SLC5A11: variants seen among roughly 807,000 people sequenced by gnomAD.
SLC5A11 encodes solute carrier family 5 member 11.
Under a neutral mutation model 69.8 loss-of-function variants are expected in SLC5A11, and 48 were observed. The observed-to-expected ratio is 0.69, with a 90% CI of 0.55 to 0.87. The LOEUF is 0.87. Among genes scored for constraint, SLC5A11 ranks in the 40% least tolerant of loss-of-function variants. The pLI is 0.00. For missense variants in SLC5A11, 784 were observed against 866.1 expected (o/e 0.91, Z 1.19); for synonymous variants, 319 against 342.4 (o/e 0.93, Z 0.75).
intron 10 of SLC5A11, 68 bp downstream of exon 11, chr16:24,898,177 A>G: frequency 1.9e-6 from 3 of 1,545,190 alleles, no homozygotes; most frequent in African/African-American, 1.4e-5. Flanking sequence ...TATTCTAAAC[A>G]TATTATTAGA....
intron 13 of SLC5A11, among the ~76,000 whole-genome samples, chr16:24,908,604 A>AC (rs1463584756): frequency 6.6e-6 from 1 of 151,700 alleles, no homozygotes; most frequent in Non-Finnish European, 1.5e-5. Flanking sequence ...TCAAAAAAAA[A>AC]AAAAAAAAAA....
intron 8 of SLC5A11, among the ~76,000 whole-genome samples, chr16:24,888,241 C>G (rs1006804177): frequency 2.0e-5 from 3 of 151,984 alleles, no homozygotes; most frequent in Non-Finnish European, 4.4e-5. Flanking sequence ...TTTAAAAAAT[C>G]TAGTTACTTA....
intron 3 of SLC5A11, among the ~76,000 whole-genome samples, chr16:24,866,848 A>C (rs2046950763): frequency 6.6e-6 from 1 of 152,166 alleles, no homozygotes; most frequent in Non-Finnish European, 1.5e-5. Context: ...TTATAAACAT[A>C]ATTGCACCTA....
intron 1 of SLC5A11, among the ~76,000 whole-genome samples, chr16:24,848,602 C>A (rs568598750): frequency 6.6e-6 from 1 of 152,064 alleles, no homozygotes; most frequent in African/African-American, 2.4e-5. Context: ...AGAGTGAAAC[C>A]CTGTCTCAAA....
intron 7 of SLC5A11, among the ~76,000 whole-genome samples, chr16:24,882,914 G>A (rs182216594): frequency 5.3e-5 from 8 of 152,278 alleles, no homozygotes; most frequent in Middle Eastern, 6.8e-3. Context: ...CCAAAGTGCT[G>A]GGATTACAGG....
chr16:24,875,815 G>A (rs192456479), intron 6 of SLC5A11, 84 bp downstream of exon 7: 94 of 1,089,460 alleles, frequency 8.6e-5, no homozygotes, highest in East Asian at 6.3e-4. Context: ...GTGTCTCCTC[G>A]CTATCCCCTT....
At chr16:24,870,470 C>CA (rs1288567377) in intron 4 of SLC5A11, among the ~76,000 whole-genome samples, 1 of 148,472 alleles carries the variant, frequency 6.7e-6, no homozygotes, top group Non-Finnish European at 1.5e-5. Context: ...CACACAAACC[C>CA]AAAAAACACA....
chr16:24,869,596 G>A (rs1349010573), intron 3 of SLC5A11, among the ~76,000 whole-genome samples: 1 of 152,156 alleles, frequency 6.6e-6, no homozygotes, highest in Non-Finnish European at 1.5e-5. Context: ...GACCCCCGCA[G>A]GGATACTGCA....
At chr16:24,878,798 C>T (rs974454477) in intron 7 of SLC5A11, among the ~76,000 whole-genome samples, 5 of 152,038 alleles carry the variant, frequency 3.3e-5, no homozygotes, top group Non-Finnish European at 4.4e-5. Flanking sequence ...TTTGGGAGGC[C>T]GAGGCGGGTG....
chr16:24,864,223 G>A (rs1019222948), intron 3 of SLC5A11, among the ~76,000 whole-genome samples: 1 of 152,202 alleles, frequency 6.6e-6, no homozygotes, highest in African/African-American at 2.4e-5. Flanking sequence ...AAAGCCCTAA[G>A]CTCTTGCCTC....
intron 3 of SLC5A11, among the ~76,000 whole-genome samples, chr16:24,868,553 C>T (rs908497300): frequency 2.1e-4 from 30 of 144,122 alleles, no homozygotes; most frequent in African/African-American, 7.7e-4. Flanking sequence ...GAGCTGAGAT[C>T]ACACCACTGC....
At chr16:24,847,172 GTTCT>G (rs1040590622) in intron 1 of SLC5A11, among the ~76,000 whole-genome samples, 21 of 141,642 alleles carry the variant, frequency 1.5e-4, no homozygotes, top group African/African-American at 4.5e-4. Context: ...TCTTTTCTTT[GTTCT>G]TTCTTTCTTT....
intron 9 of SLC5A11, among the ~76,000 whole-genome samples, chr16:24,892,597 A>C (rs568938725): frequency 6.6e-5 from 10 of 152,138 alleles, no homozygotes; most frequent in East Asian, 3.9e-4. Context: ...GATTTACTGC[A>C]TGTTATATTT....
chr16:24,907,201 G>A (rs1220826960), intron 12 of SLC5A11, 26 bp downstream of exon 13: 12 of 1,612,722 alleles, frequency 7.4e-6, no homozygotes, highest in Middle Eastern at 1.7e-4. Flanking sequence ...GTGGGGCTGG[G>A]GCAGGGGGAA....
chr16:24,872,801 A>C (rs1396156903), intron 5 of SLC5A11, among the ~76,000 whole-genome samples: 20 of 151,080 alleles, frequency 1.3e-4, no homozygotes, highest in Admixed American at 1.3e-3. Flanking sequence ...AGCTGGACTT[A>C]CAGGCATAAG....
chr16:24,858,851 C>T, intron 2 of SLC5A11, 73 bp downstream of exon 3: 1 of 1,508,296 alleles, frequency 6.6e-7, no homozygotes. Flanking sequence ...GAGTTAACCT[C>T]ATCCTTTTGG....
At chr16:24,907,505 T>G (rs997771985) in intron 12 of SLC5A11, among the ~76,000 whole-genome samples, 2 of 151,766 alleles carry the variant, frequency 1.3e-5, no homozygotes, top group African/African-American at 4.8e-5. Flanking sequence ...TGAGGTCAGG[T>G]GTTCAAGACC....
chr16:24,857,486 T>A (rs2059585795), intron 1 of SLC5A11, among the ~76,000 whole-genome samples: 1 of 152,246 alleles, frequency 6.6e-6, no homozygotes. Flanking sequence ...CTTACTGGGC[T>A]AAAATCAAGG....
At position 24,910,223 on chromosome 16, in the gene SLC5A11, G is replaced by A. The variant is rs1048099367; in HGVS notation, c.1651-83G>A. ...TTCAGACACAAAGGCTGAGTGTGGG[G>A]TTGGGTGGGGAGTGTGAGAAAAGGA... is the stretch of plus-strand genomic sequence containing the variant. On this transcript the variant is annotated intron_variant, in intron 14 of 15. Coordinates refer to ENST00000347898, the Ensembl canonical transcript of SLC5A11. 5.7e-6 allele frequency: 8 copies of A among 1,412,568 alleles called. 1 individual carries two copies. The highest frequency in any genetic ancestry group is 5.6e-5 in the African/African-American group (4 of 70,848). 87.5% of individuals were successfully genotyped at this position (1,412,568 alleles called of 1,614,324 possible).
Sources: allele counts gnomAD v4.1 joint callset (sites outside exome capture counted in the v4.1 genomes callset), GRCh38; gene constraint gnomAD v4.1.1; transcripts MANE v1.5; gene names NCBI Gene and HGNC (gene_info 2026-07-23, HGNC 2026-07-21).